Variants in MINK1 observed in about 807,000 individuals in gnomAD.
The protein encoded by MINK1 is misshapen like kinase 1, also known as misshapen-like kinase 1.
MINK1 carries 46 observed loss-of-function variants against 178.4 expected under a neutral mutation model. The observed-to-expected ratio is 0.26, with a 90% CI of 0.20 to 0.33. MINK1 has a LOEUF of 0.33. Ranked by LOEUF, MINK1 falls within the 10% of genes least tolerant of loss-of-function variation. The pLI, the probability that MINK1 is intolerant of heterozygous loss-of-function variation, is 1.00. For synonymous variants in MINK1, 797 were observed against 709.7 expected, an observed-to-expected ratio of 1.12 and a Z score of -1.96; for missense variants, 1,366 against 1,814.9, an observed-to-expected ratio of 0.75 and a Z score of 4.49.
chr17:4,890,350 A>T, intron 13 of MINK1, 167 bp from the exon 14 acceptor site: 1 of 1,431,034 alleles, frequency 7.0e-7, no homozygotes, highest in Non-Finnish European at 9.1e-7. Flanking sequence ...TGCTTTTCAG[A>T]GCTTCTTTGC....
chr17:4,850,356 G>A (rs1397925112), intron 1 of MINK1, among the ~76,000 whole-genome samples: 1 of 152,140 alleles, frequency 6.6e-6, no homozygotes, highest in African/African-American at 2.4e-5. Context: ...CCATCCTGCT[G>A]GTCAGGAAGT....
chr17:4,895,181 C>T lies in MINK1; in HGVS notation c.3024C>T (p.Thr1008=). The T allele has an allele frequency of 6.2e-7, 1 of 1,614,068 alleles. No homozygotes were observed. The highest frequency in any genetic ancestry group is 1.1e-5 in the South Asian group (1 of 91,076). The change falls in exon 25 of 32, where the codon ACC becomes ACT. Residue 1008 remains threonine, a synonymous_variant. Transcript: ENST00000355280. This position sits in a 1 kb window ranked among gnomAD's most constrained non-coding sequence, Gnocchi z 4.3. ...CCAACACCCGGGCCCACAGTGAGACCCCTGAGATCCGGAAGTACAAGAAGC... is the reference window on the plus strand; with the variant it reads ...CCAACACCCGGGCCCACAGTGAGACTCCTGAGATCCGGAAGTACAAGAAGC... ...NPTNTRAHSE[T]PEIRKYKKRF...
At chr17:4,877,002 T>C (rs1446717073) in intron 1 of MINK1, among the ~76,000 whole-genome samples, 1 of 151,722 alleles carries the variant, frequency 6.6e-6, no homozygotes, top group East Asian at 1.9e-4. Flanking sequence ...GGTGGAGGAT[T>C]GCTTGAGCCC....
chr17:4,847,892 A>G (rs893372137), intron 1 of MINK1, among the ~76,000 whole-genome samples: 13 of 151,992 alleles, frequency 8.6e-5, no homozygotes, highest in African/African-American at 2.9e-4. Flanking sequence ...GTTTCAGAAA[A>G]AGGTCTGGGC....
chr17:4,887,306 C>G lies in MINK1; in HGVS notation c.1019+127C>G, dbSNP rs1286586279. The G allele has an allele frequency of 3.0e-6, 3 of 1,005,492 alleles. No individual in the cohort carries two copies. Among genetic ancestry groups the G allele is most frequent in the African/African-American group, 1.6e-5 (1 of 61,946 alleles). The allele number at this position is 1,005,492 out of a possible 1,614,324, so 62.3% of individuals were successfully genotyped here. On this transcript the variant is annotated intron_variant, in intron 11 of 31. Coordinates refer to ENST00000355280, the MANE Select transcript of MINK1 (RefSeq NM_153827.5). This position sits in a 1 kb window ranked among gnomAD's most constrained non-coding sequence, Gnocchi z 7.6. Reference sequence around the variant, plus strand: ...ACAGAGAGGTAGAGACTCCTGGAAACCAAATTTCTGAGTGCTAAGAAGTGG... The same window carrying G: ...ACAGAGAGGTAGAGACTCCTGGAAAGCAAATTTCTGAGTGCTAAGAAGTGG...
chr17:4,897,094 C>A (rs1192114954), intron 31 of MINK1, 110 bp from the exon 32 acceptor site: 2 of 986,798 alleles, frequency 2.0e-6, no homozygotes, highest in Non-Finnish European at 3.1e-6. Flanking sequence ...CCTGCAGTCT[C>A]TGTGTCTCCC....
In MINK1 at chr17:4,894,865, CT is replaced by C. The variant is rs1295352871; in HGVS notation, c.2918-209del. 8 of 661,782 alleles carry C rather than the reference CT, an allele frequency of 1.2e-5. No individual in the cohort carries two copies. The highest frequency in any genetic ancestry group is 1.5e-5 in the Non-Finnish European group (6 of 391,254). The allele number at this position is 661,782 out of a possible 1,614,324, so 41.0% of individuals were successfully genotyped here. A position where few individuals can be genotyped will look rare whatever the true frequency, so the allele number is the denominator to read the frequency against. ...AGGGGACCTGGGCAAAGACTCAAAG[CT>C]AACAAGTGACAGAAATGGGACTTGA... On this transcript the variant is annotated intron_variant, in intron 24 of 31. Transcript: ENST00000355280. This position sits in a 1 kb window ranked among gnomAD's most constrained non-coding sequence, Gnocchi z 4.1.
chr17:4,874,188 A>G (rs999803998), intron 1 of MINK1, among the ~76,000 whole-genome samples: 2 of 152,190 alleles, frequency 1.3e-5, no homozygotes, highest in Admixed American at 6.6e-5. Context: ...TTTCTCATAT[A>G]TTGGTGAGCT....
chr17:4,896,735 G>A lies in MINK1; in HGVS notation c.3837G>A (p.Val1279=), dbSNP rs1969541291. 1.2e-6 allele frequency: 2 copies of A among 1,604,394 alleles called. No individual in the cohort carries two copies. The highest frequency in any genetic ancestry group is 1.7e-4 in the Middle Eastern group (1 of 6,010). ...AGAAAGCCATTGAGATCCGCTCTGT[G>A]GAGACGGGCCACCTCGACGGGGTCT... ...WGEKAIEIRS[V]ETGHLDGVFM... The change falls in exon 31 of 32, where the codon GTG becomes GTA. Residue 1279 remains valine, a synonymous_variant. Transcript: ENST00000355280. This position sits in a 1 kb window ranked among gnomAD's most constrained non-coding sequence, Gnocchi z 4.6.
chr17:4,883,233 CTT>C (rs1967872442), intron 4 of MINK1: 1 of 146,918 alleles, frequency 6.8e-6, no homozygotes, highest in South Asian at 2.2e-4. Context: ...GAGACAGAGT[CTT>C]GCTCTGTCAC....
intron 1 of MINK1, among the ~76,000 whole-genome samples, chr17:4,862,609 G>A (rs936044397): frequency 9.3e-5 from 14 of 151,202 alleles, no homozygotes; most frequent in African/African-American, 1.5e-4. Flanking sequence ...AGCCAAGATT[G>A]CGCCACTGCA....
intron 5 of MINK1, 33 bp from the exon 6 acceptor site, chr17:4,884,879 C>G (rs1445054708): frequency 6.3e-7 from 1 of 1,598,082 alleles, no homozygotes; most frequent in Non-Finnish European, 8.6e-7. Context: ...CCATCCAACA[C>G]CATGGCTAAT....
chr17:4,859,419 T>C, intron 1 of MINK1: 1 of 617,608 alleles, frequency 1.6e-6, no homozygotes, highest in African/African-American at 2.0e-5. Context: ...CTTCTCAGGA[T>C]GTTAATTCTG....
rs773772434 is a variant in MINK1 at position 4,895,253 on chromosome 17, G to A, written c.3085+11G>A. The A allele has an allele frequency of 6.2e-7, 1 of 1,613,804 alleles. No individual in the cohort carries two copies. Among genetic ancestry groups the A allele is most frequent in the African/African-American group, 1.3e-5 (1 of 74,920 alleles). On this transcript the variant is annotated intron_variant, in intron 25 of 31. Coordinates refer to ENST00000355280, the MANE Select transcript of MINK1 (RefSeq NM_153827.5). This position sits in a 1 kb window ranked among gnomAD's most constrained non-coding sequence, Gnocchi z 4.3. ...GTGCAGCCCTTTGGGGTAAGCCAGG[G>A]CAGGGACAGCTGAGGAGGCTCTGGC...
chr17:4,885,842 G>A lies in MINK1; in HGVS notation c.640-69G>A. The A allele has an allele frequency of 6.4e-7, 1 of 1,567,364 alleles. No individual in the cohort carries two copies. The highest frequency in any genetic ancestry group is 8.7e-7 in the Non-Finnish European group (1 of 1,143,060). On this transcript the variant is annotated intron_variant, in intron 7 of 31. Coordinates refer to ENST00000355280, the MANE Select transcript of MINK1 (RefSeq NM_153827.5). This position sits in a 1 kb window ranked among gnomAD's most constrained non-coding sequence, Gnocchi z 5.0. ...GGAAGGCTCCTGAGAGGCCAGGATG[G>A]TGGGTGAAGAGAGGTTGCAGGGCAG... is the stretch of plus-strand genomic sequence containing the variant.
chr17:4,892,935 C>A, intron 19 of MINK1, 44 bp from the exon 20 acceptor site: 1 of 1,493,534 alleles, frequency 6.7e-7, no homozygotes, highest in Non-Finnish European at 9.1e-7. Context: ...TTGAGGCCAT[C>A]CCTTGTTCAG....
chr17:4,841,085 G>A (rs1910147300), intron 1 of MINK1, among the ~76,000 whole-genome samples: 1 of 152,110 alleles, frequency 6.6e-6, no homozygotes, highest in Non-Finnish European at 1.5e-5. Flanking sequence ...GTAAATTCCA[G>A]GGCCACACGG....
chr17:4,834,666 G>GT (rs1392439285), intron 1 of MINK1: 5 of 471,590 alleles, frequency 1.1e-5, no homozygotes, highest in African/African-American at 2.0e-5. Context: ...GGGCAACTTA[G>GT]TGATTTCAAG....
Position 4,896,035 on chromosome 17 carries a change from G to A in MINK1, c.3397G>A (p.Ala1133Thr), listed in dbSNP as rs1042289018. ...KYERIKFLVIALKSSVEVYAW... is the reference protein window; with the variant it reads ...KYERIKFLVITLKSSVEVYAW... ...CGAGCGGATTAAGTTCCTGGTCATC[G>A]CCCTCAAGAGCTCCGTGGAGGTGTA... is the stretch of plus-strand genomic sequence containing the variant. Residue 1133 changes from alanine (A) to threonine (T), a missense_variant, in exon 28 of 32, where the codon GCC (alanine) becomes ACC (threonine). This residue lies in a region of MINK1 where 77 missense variants were observed against 119.5 expected (regional missense o/e 0.64). Transcript: ENST00000355280. This position sits in a 1 kb window ranked among gnomAD's most constrained non-coding sequence, Gnocchi z 4.6. 3 of 1,604,408 alleles carry A rather than the reference G, an allele frequency of 1.9e-6. No homozygotes were observed. Among genetic ancestry groups the A allele is most frequent in the Admixed American group, 1.7e-5 (1 of 58,628 alleles).
Sources: allele counts gnomAD v4.1 joint callset (sites outside exome capture counted in the v4.1 genomes callset), GRCh38; gene constraint gnomAD v4.1.1; regional missense constraint gnomAD v4.1.1; non-coding constraint Gnocchi (gnomAD v3.1); transcripts MANE v1.5; gene names NCBI Gene and HGNC (gene_info 2026-07-23, HGNC 2026-07-21).